LONRF2: variants seen among roughly 807,000 people sequenced by gnomAD.
LONRF2 encodes LON peptidase N-terminal domain and RING finger protein 2.
Under a neutral mutation model 66.6 loss-of-function variants are expected in LONRF2, and 35 were observed. That is an observed-to-expected ratio of 0.53 (90% CI 0.40 to 0.70). The LOEUF is 0.70. Ranked by LOEUF, LONRF2 falls within the 30% of genes least tolerant of loss-of-function variation. The probability of loss-of-function intolerance (pLI) is 0.00; values close to 1 mark genes in which losing one functional copy is unlikely to be tolerated. For missense variants in LONRF2, 902 were observed against 1,002.1 expected (o/e 0.90, Z 1.35); for synonymous variants, 417 against 418.1 (o/e 1.00, Z 0.03).
At chr2:100,286,500 A>G (rs115416902) in intron 11 of LONRF2, among the ~76,000 whole-genome samples, 1 of 152,348 alleles carries the variant, frequency 6.6e-6, no homozygotes, top group Non-Finnish European at 1.5e-5. Context: ...CACGCTACTA[A>G]TGTCACAAGA....
In LONRF2 at chr2:100,299,747, G is replaced by C; in HGVS notation, c.1237C>G (p.Leu413Val). ...FPDDVEDAPDLNAPGKIPKKD... is the reference protein window; with the variant it reads ...FPDDVEDAPDVNAPGKIPKKD... ...TTGGGAATTTTTCCAGGGGCGTTCA[G>C]GTCAGGTGCATCCTCCACGTCATCC... The change falls in exon 5 of 12, where the codon CTG becomes GTG. Residue 413 changes from leucine to valine, a missense_variant. This residue lies in a region of LONRF2 where 585 missense variants were observed against 569.9 expected (regional missense o/e 1.03). Transcript: ENST00000393437. The C allele has an allele frequency of 2.5e-6, 4 of 1,614,068 alleles. No individual in the cohort carries two copies. Among genetic ancestry groups the C allele is most frequent in the Non-Finnish European group, 3.4e-6 (4 of 1,180,010 alleles).
At chr2:100,310,066 A>G (rs566011389) in intron 1 of LONRF2, among the ~76,000 whole-genome samples, 1 of 152,178 alleles carries the variant, frequency 6.6e-6, no homozygotes, top group African/African-American at 2.4e-5. Flanking sequence ...AGGAAAAAAA[A>G]ACTCCTTTCT....
chr2:100,311,634 A>AT (rs1309448018), intron 1 of LONRF2, among the ~76,000 whole-genome samples: 2 of 152,164 alleles, frequency 1.3e-5, no homozygotes, highest in Non-Finnish European at 2.9e-5. Context: ...TTATTCTTGA[A>AT]TTTAAAAAGC....
rs758298932 is a variant in LONRF2, at chr2:100,278,111, T to C, written c.*6187A>G. The C allele has an allele frequency of 6.6e-6, 1 of 152,140 alleles. No homozygotes were observed. Among genetic ancestry groups the C allele is most frequent in the African/African-American group, 2.4e-5 (1 of 41,442 alleles). The allele number at this position is 152,140 out of a possible 1,614,324, so 9.4% of individuals were successfully genotyped here. On this transcript the variant is annotated 3_prime_UTR_variant, in exon 12 of 12. Coordinates refer to ENST00000393437, the MANE Select transcript of LONRF2 (RefSeq NM_198461.4). ...TCTCCTCAAACAACTCCATTTCAAA[T>C]TCTGGTCTGCAAACAGACCCCGAAA...
rs1234289896 is a variant in LONRF2, at chr2:100,282,916, G to A, written c.*1382C>T. On this transcript the variant is annotated 3_prime_UTR_variant, in exon 12 of 12. Coordinates refer to ENST00000393437, the MANE Select transcript of LONRF2 (RefSeq NM_198461.4). ...AGTCTTTCTAATAAAATGCTTGATG[G>A]ATTGATATACCATCAACATTGTATA... The A allele has an allele frequency of 6.6e-6, 1 of 151,914 alleles. No homozygotes were observed. The highest frequency in any genetic ancestry group is 1.5e-5 in the Non-Finnish European group (1 of 67,996). 9.4% of individuals were successfully genotyped at this position (151,914 alleles called of 1,614,324 possible).
At chr2:100,294,467 A>T in intron 8 of LONRF2, 80 bp from the exon 9 acceptor site, 1 of 1,359,950 alleles carries the variant, frequency 7.4e-7, no homozygotes, top group Non-Finnish European at 9.8e-7. Flanking sequence ...AAACAGCAAA[A>T]GCCAGCCAAC....
Position 100,273,454 on chromosome 2 carries a change from C to T in LONRF2, c.*10844G>A, listed in dbSNP as rs537665390. 2 of 152,350 alleles carry T rather than the reference C, an allele frequency of 1.3e-5. No individual in the cohort carries two copies. Among genetic ancestry groups the T allele is most frequent in the African/African-American group, 2.4e-5 (1 of 41,582 alleles). The allele number at this position is 152,350 out of a possible 1,614,324, so 9.4% of individuals were successfully genotyped here. ...ATTATTTATTAAAGAACATTTACAACACTGTAAGTTTTATTCAGTTCAAAT... is the reference window on the plus strand; with the variant it reads ...ATTATTTATTAAAGAACATTTACAATACTGTAAGTTTTATTCAGTTCAAAT... On this transcript the variant is annotated 3_prime_UTR_variant, in exon 12 of 12. Coordinates refer to ENST00000393437, the MANE Select transcript of LONRF2 (RefSeq NM_198461.4).
At chr2:100,309,679 CT>C (rs1244025607) in intron 1 of LONRF2, among the ~76,000 whole-genome samples, 3 of 149,950 alleles carry the variant, frequency 2.0e-5, no homozygotes, top group African/African-American at 7.5e-5. Flanking sequence ...AATTTTTTTT[CT>C]TTTTTTTTCA....
At chr2:100,295,623 AG>A in intron 7 of LONRF2, 70 bp from the exon 8 acceptor site, 1 of 1,491,112 alleles carries the variant, frequency 6.7e-7, no homozygotes, top group Non-Finnish European at 9.1e-7. Context: ...CCGAGTGGAA[AG>A]GTGAACAAGG....
At position 100,272,076 on chromosome 2, in the gene LONRF2, T is replaced by C. The variant is rs1674511355; in HGVS notation, c.*12222A>G. Among the ~76,000 whole-genome samples, 1 of 152,228 alleles carries C rather than the reference T, an allele frequency of 6.6e-6. No homozygotes were observed. Among genetic ancestry groups the C allele is most frequent in the African/African-American group, 2.4e-5 (1 of 41,458 alleles). On this transcript the variant is annotated 3_prime_UTR_variant, in exon 12 of 12. Coordinates refer to ENST00000393437, the MANE Select transcript of LONRF2 (RefSeq NM_198461.4). ...CATCCTATTTAAATGACATTACCAA[T>C]AATGACTTGTGAAAACTGAAACTTT...
rs750972442 is a variant in LONRF2, at chr2:100,300,775, C to A, written c.934G>T (p.Val312Leu). Reference sequence around the variant, plus strand: ...ACATTTGCTGTAGCTGAAAACAGCACTTCACACATTACCTATAAAATTGCC... The same window carrying A: ...ACATTTGCTGTAGCTGAAAACAGCAATTCACACATTACCTATAAAATTGCC... ...KKEAQKVMCEVLFSATANVHE... is the reference protein window; with the variant it reads ...KKEAQKVMCELLFSATANVHE... The change falls in exon 4 of 12, where the codon GTG (valine) becomes TTG (leucine). Residue 312 changes from valine to leucine, a missense_variant. Coordinates refer to ENST00000393437, the MANE Select transcript of LONRF2 (RefSeq NM_198461.4). 2 of 1,597,548 alleles carry A rather than the reference C, an allele frequency of 1.3e-6. No homozygotes were observed. Among genetic ancestry groups the A allele is most frequent in the South Asian group, 2.3e-5 (2 of 86,962 alleles).
intron 9 of LONRF2, among the ~76,000 whole-genome samples, chr2:100,293,127 A>C (rs1232419867): frequency 1.3e-5 from 2 of 152,170 alleles, no homozygotes; most frequent in African/African-American, 4.8e-5. Context: ...AGCTTGAGCA[A>C]GTCCATGAAG....
chr2:100,312,935 A>G (rs1675436813), intron 1 of LONRF2, among the ~76,000 whole-genome samples: 1 of 152,240 alleles, frequency 6.6e-6, no homozygotes, highest in Non-Finnish European at 1.5e-5. Context: ...AAAAATGTAC[A>G]TATGTACTTT....
chr2:100,299,402 C>A, intron 5 of LONRF2, 83 bp from the exon 6 acceptor site: 1 of 806,548 alleles, frequency 1.2e-6, no homozygotes, highest in Non-Finnish European at 1.9e-6. Flanking sequence ...TTTCTCTGGA[C>A]CAAACGTGTT....
At position 100,302,913 on chromosome 2, in the gene LONRF2, A is replaced by G; in HGVS notation, c.921+8T>C. 3.1e-6 allele frequency: 5 copies of G among 1,591,546 alleles called. No individual in the cohort carries two copies. The highest frequency in any genetic ancestry group is 4.3e-6 in the Non-Finnish European group (5 of 1,168,698). ...CTGATAGAGAAAGTCCTTTAACAGA[A>G]CTCATACCTTCTGTGCTTCTTTCTT... On this transcript the variant is annotated splice_region_variant and intron_variant, in intron 3 of 11. Coordinates refer to ENST00000393437, the MANE Select transcript of LONRF2 (RefSeq NM_198461.4).
rs757494084 is a variant in LONRF2 at position 100,297,537 on chromosome 2, A to T, written c.1476+1299T>A. Among the ~76,000 whole-genome samples the T allele has an allele frequency of 4.6e-5, 7 of 152,198 alleles. 1 individual carries two copies. The highest frequency in any genetic ancestry group is 1.0e-4 in the Non-Finnish European group (7 of 68,036). ...GAAGTGAGTAAGGTCTGTGTTGTAA[A>T]CAGGGCTCACACATACATGCATTTT... On this transcript the variant is annotated intron_variant, in intron 7 of 11. Coordinates refer to ENST00000393437, the MANE Select transcript of LONRF2 (RefSeq NM_198461.4).
At chr2:100,310,226 G>C (rs185032722) in intron 1 of LONRF2, among the ~76,000 whole-genome samples, 69 of 152,296 alleles carry the variant, frequency 4.5e-4, no homozygotes, top group African/African-American at 1.6e-3. Flanking sequence ...GAAAAGGCTG[G>C]AAGCCAGACC....
intron 9 of LONRF2, among the ~76,000 whole-genome samples, chr2:100,291,541 C>T (rs895071643): frequency 1.3e-5 from 2 of 152,050 alleles, no homozygotes; most frequent in East Asian, 1.9e-4. Flanking sequence ...TCCTTGCCTC[C>T]CCCTCACTCC....
chr2:100,281,654 C>T lies in LONRF2; in HGVS notation c.*2644G>A, dbSNP rs116511743. The stretch of plus-strand genomic sequence containing the variant: ...CTCAAGAAGAAAAATGACTCCCCCA[C>T]GCTGCTATTACTCTTTTCTGCTTTG... On this transcript the variant is annotated 3_prime_UTR_variant, in exon 12 of 12. Coordinates refer to ENST00000393437, the MANE Select transcript of LONRF2 (RefSeq NM_198461.4). The T allele has an allele frequency of 2.2e-3, 331 of 152,212 alleles. 1 individual carries two copies. The highest frequency in any genetic ancestry group is 7.7e-3 in the African/African-American group (320 of 41,522). The allele number at this position is 152,212 out of a possible 1,614,324, so 9.4% of individuals were successfully genotyped here. A position where few individuals can be genotyped will look rare whatever the true frequency, so the allele number is the denominator to read the frequency against.
Sources: gnomAD v4.1 joint callset for allele counts (sites outside exome capture counted in the v4.1 genomes callset) on GRCh38, gnomAD v4.1.1 for gene constraint, gnomAD v4.1.1 regional missense constraint, MANE v1.5 for transcripts, NCBI Gene and HGNC (gene_info 2026-07-23, HGNC 2026-07-21) for gene names.